The following DOCK11 variants were observed in gnomAD, a reference collection of about 807,000 sequenced individuals.
DOCK11 encodes the protein dedicator of cytokinesis protein 11.
In DOCK11, 70 loss-of-function variants were observed where a neutral mutation model predicts 169.1. The observed-to-expected ratio is 0.41, with a 90% CI of 0.34 to 0.51. The LOEUF (loss-of-function observed/expected upper bound fraction) is 0.51, where lower values mean the gene tolerates loss of function less well. Among genes scored for constraint, DOCK11 ranks in the 20% least tolerant of loss-of-function variants. DOCK11 has a pLI of 0.10. For missense variants in DOCK11, 1,166 were observed against 1,538.8 expected (o/e 0.76, Z 4.05); for synonymous variants, 529 against 541.3 (o/e 0.98, Z 0.32).
rs773916198 is a variant in DOCK11, at chrX:118,681,255, T to TG, written c.5862+9dup. The TG allele has an allele frequency of 8.6e-6, 10 of 1,167,595 alleles. No individual in the cohort carries two copies. In the Admixed American group the frequency reaches 2.3e-4, roughly 27 times the overall value. ...GGGCTGTGTTTCTGTGCAGGTACGT[T>TG]GGTCATCCAACATGTATTGAATGTT... On this transcript the variant is annotated splice_region_variant and intron_variant, in intron 50 of 52. Transcript: ENST00000276202.
intron 45 of DOCK11, among the ~76,000 whole-genome samples, chrX:118,668,861 A>T: frequency 8.9e-6 from 1 of 111,765 alleles, no homozygotes; most frequent in Non-Finnish European, 1.9e-5. Context: ...GAGGAGGGGC[A>T]CAGCCTGAAC....
In DOCK11 at chrX:118,496,083, CG is replaced by C. The variant is rs1178276638; in HGVS notation, c.102+15del. On this transcript the variant is annotated intron_variant, in intron 1 of 52. Transcript: ENST00000276202. ...GGGCTCCGTGGTGCTGGTGAGTGGC[CG>C]GGGGACGGGGCATCCCGGGGGACGC... is the stretch of plus-strand genomic sequence containing the variant. 1.0e-6 allele frequency: 1 copy of C among 1,002,181 alleles called. No individual in the cohort carries two copies. The highest frequency in any genetic ancestry group is 1.3e-6 in the Non-Finnish European group (1 of 789,369). 82.6% of individuals were successfully genotyped at this position (1,002,181 alleles called of 1,213,427 possible). A position where few individuals can be genotyped will look rare whatever the true frequency, so the allele number is the denominator to read the frequency against.
chrX:118,509,879 T>C (rs1723335157), intron 1 of DOCK11, among the ~76,000 whole-genome samples: 1 of 111,964 alleles, frequency 8.9e-6, no homozygotes, highest in South Asian at 3.7e-4. Context: ...CCTTGGCTCA[T>C]GGCCCCTTCC....
intron 23 of DOCK11, among the ~76,000 whole-genome samples, chrX:118,600,078 A>G (rs563050043): frequency 9.0e-6 from 1 of 111,512 alleles, no homozygotes; most frequent in African/African-American, 3.3e-5. Context: ...GAGGATAACA[A>G]TAGTGCCCAT....
rs547313016 is a variant in DOCK11 at position 118,566,219 on chromosome X, C to T, written c.871+37C>T. On this transcript the variant is annotated intron_variant, in intron 8 of 52. Transcript: ENST00000276202. ...AAAGTGATTTATTATTGAAGTAAAG[C>T]CCTTGTCTTTAATCCGTGGAAATGT... The T allele has an allele frequency of 8.9e-6, 10 of 1,127,996 alleles. No homozygotes were observed. The South Asian group carries it at 1.8e-4, about 20-fold the overall frequency. The allele number at this position is 1,127,996 out of a possible 1,213,427, so 93.0% of individuals were successfully genotyped here. A position where few individuals can be genotyped will look rare whatever the true frequency, so the allele number is the denominator to read the frequency against.
At chrX:118,640,971 T>C (rs933700281) in intron 38 of DOCK11, among the ~76,000 whole-genome samples, 1 of 110,754 alleles carries the variant, frequency 9.0e-6, no homozygotes, top group Non-Finnish European at 1.9e-5. Context: ...TTTTTTGTAT[T>C]TTTAGTAGAG....
chrX:118,665,217 C>T (rs1603178278), intron 45 of DOCK11, among the ~76,000 whole-genome samples: 1 of 112,478 alleles, frequency 8.9e-6, no homozygotes, highest in Non-Finnish European at 1.9e-5. Context: ...TCCTTTTACC[C>T]TCAGAACCTA....
intron 6 of DOCK11, among the ~76,000 whole-genome samples, chrX:118,552,052 A>AAAG (rs1556277309): frequency 9.4e-6 from 1 of 105,986 alleles, no homozygotes; most frequent in African/African-American, 3.4e-5. Context: ...AAAAAAAAAA[A>AAAG]GGGAGGGAGG....
intron 45 of DOCK11, among the ~76,000 whole-genome samples, chrX:118,667,422 GT>G (rs72150871): frequency 0.014 from 1,385 of 98,088 alleles, 15 homozygotes; most frequent in Admixed American, 0.024. Context: ...TTTTAAGACA[GT>G]TTTTTTTTTT....
At chrX:118,541,895 A>C (rs2012017242) in intron 1 of DOCK11, among the ~76,000 whole-genome samples, 1 of 111,364 alleles carries the variant, frequency 9.0e-6, no homozygotes, top group Admixed American at 9.6e-5. Context: ...CCTTGAACCT[A>C]ACCCTTTCAT....
At chrX:118,632,774 C>CA (rs2147499045) in intron 35 of DOCK11, 1 of 109,632 alleles carries the variant, frequency 9.1e-6, no homozygotes, top group South Asian at 3.9e-4. Flanking sequence ...TATTAATTGA[C>CA]AAAAATTTGC....
chrX:118,584,990 G>A (rs372168657), intron 15 of DOCK11, 51 bp from the exon 16 acceptor site: 6 of 1,150,470 alleles, frequency 5.2e-6, no homozygotes, highest in South Asian at 1.9e-5. Flanking sequence ...GGTAACCAGT[G>A]CATTCAGTAA....
At chrX:118,503,074 CTTTTT>C (rs767017269) in intron 1 of DOCK11, among the ~76,000 whole-genome samples, 2 of 90,788 alleles carry the variant, frequency 2.2e-5, no homozygotes, top group East Asian at 3.4e-4. Flanking sequence ...ATAACAAAGG[CTTTTT>C]TTTTTTTTTT....
Position 118,651,966 on chromosome X carries a change from A to G in DOCK11, c.4584A>G (p.Ile1528Met), listed in dbSNP as rs2015958158. The G allele has an allele frequency of 1.7e-6, 2 of 1,180,127 alleles. No homozygotes were observed. The highest frequency in any genetic ancestry group is 3.5e-5 in the African/African-American group (2 of 56,564). Reference sequence around the variant, plus strand: ...ATAATATTTACTTCTTCCCACAGATAATAATTGCTGTAAGCCAACTGATAG... The same window carrying G: ...ATAATATTTACTTCTTCCCACAGATGATAATTGCTGTAAGCCAACTGATAG... ...RKTFLRTHLQ[I>M]IIAVSQLIAD... The change falls in exon 42 of 53, where the codon ATA becomes ATG. Residue 1528 changes from isoleucine to methionine, a missense_variant and splice_region_variant. Coordinates refer to ENST00000276202, the MANE Select transcript of DOCK11 (RefSeq NM_144658.4).
At chrX:118,669,694 C>T (rs1343021435) in intron 45 of DOCK11, among the ~76,000 whole-genome samples, 1 of 112,420 alleles carries the variant, frequency 8.9e-6, no homozygotes, top group Non-Finnish European at 1.9e-5. Context: ...GGCTGTAGCA[C>T]TAAGACTGCA....
chrX:118,672,939 C>T (rs1332741634), intron 46 of DOCK11, among the ~76,000 whole-genome samples: 1 of 112,121 alleles, frequency 8.9e-6, no homozygotes. Context: ...TGCCTGAAAA[C>T]TCATAGTAGA....
intron 42 of DOCK11, among the ~76,000 whole-genome samples, chrX:118,654,290 G>A (rs1042104812): frequency 4.5e-5 from 5 of 111,863 alleles, no homozygotes; most frequent in Non-Finnish European, 5.6e-5. Flanking sequence ...ACAAGAAAAC[G>A]GCAAACAAAG....
chrX:118,551,376 G>A lies in DOCK11; in HGVS notation c.558+5260G>A, dbSNP rs771429977. Among the ~76,000 whole-genome samples the A allele has an allele frequency of 1.3e-4, 15 of 112,058 alleles. No homozygotes were observed. The South Asian group carries it at 4.8e-3, about 36-fold the overall frequency. Reference sequence around the variant, plus strand: ...TTTAGAGAGAGGTGTACGTTTAAGCGTCTTTATTCATTAAGAAATTTCTAA... The same window carrying A: ...TTTAGAGAGAGGTGTACGTTTAAGCATCTTTATTCATTAAGAAATTTCTAA... On this transcript the variant is annotated intron_variant, in intron 6 of 52. Transcript: ENST00000276202.
intron 40 of DOCK11, among the ~76,000 whole-genome samples, chrX:118,648,052 A>AATATATAATATAAATTGTAAT (rs1030937946): frequency 1.8e-5 from 1 of 54,227 alleles, no homozygotes; most frequent in African/African-American, 9.2e-5. Flanking sequence ...TATAATATAT[A>AATATATAATATAAATTGTAAT]ATATATAATA....
Sources: allele counts gnomAD v4.1 joint callset (sites outside exome capture counted in the v4.1 genomes callset), GRCh38; gene constraint gnomAD v4.1.1; transcripts MANE v1.5; gene names NCBI Gene and HGNC (gene_info 2026-07-23, HGNC 2026-07-21).